The following FNBP4 variants were observed in gnomAD, a reference collection of about 807,000 sequenced individuals.
FNBP4 encodes the protein formin binding protein 4.
A neutral mutation model predicts 119.3 loss-of-function variants in FNBP4; 34 were observed. The ratio of observed to expected loss-of-function variants is 0.28; its 90% confidence interval spans 0.22 to 0.38. FNBP4 has a LOEUF of 0.38. Ranked by LOEUF, FNBP4 falls within the 10% of genes least tolerant of loss-of-function variation. The probability of loss-of-function intolerance (pLI) is 1.00; values close to 1 mark genes in which losing one functional copy is unlikely to be tolerated. For missense variants in FNBP4, 1,112 were observed against 1,228.9 expected (o/e 0.90, Z 1.42); for synonymous variants, 462 against 430.6 (o/e 1.07, Z -0.90).
chr11:47,734,982 C>A (rs370052407), intron 9 of FNBP4, among the ~76,000 whole-genome samples: 7 of 109,552 alleles, frequency 6.4e-5, no homozygotes, highest in South Asian at 5.9e-4. Context: ...CCCAACACCC[C>A]CCCCCCCAAA....
chr11:47,766,993 G>A, intron 1 of FNBP4, 76 bp downstream of exon 1: 1 of 1,442,188 alleles, frequency 6.9e-7, no homozygotes, highest in South Asian at 1.4e-5. Flanking sequence ...CTCCCTCGCC[G>A]GGTCTGGCCA....
chr11:47,743,272 C>A (rs2097584846), intron 8 of FNBP4, among the ~76,000 whole-genome samples: 1 of 152,134 alleles, frequency 6.6e-6, no homozygotes, highest in Non-Finnish European at 1.5e-5. Context: ...CAACTGAGAT[C>A]AGGAGTTCGA....
rs747557812 is a variant in FNBP4, at chr11:47,765,369, T to TAA, written c.221-9_221-8dup. On this transcript the variant is annotated splice_region_variant and splice_polypyrimidine_tract_variant and intron_variant, in intron 1 of 16. Transcript: ENST00000263773. ...TGCACCGCTTCCTGTTCATCTGGAT[T>TAA]AAAAAAAAAGAAAAGAAAAGAAAAG... 1 of 1,204,684 alleles carries TAA rather than the reference T, an allele frequency of 8.3e-7. No individual in the cohort carries two copies. 74.6% of individuals were successfully genotyped at this position (1,204,684 alleles called of 1,614,324 possible). A position where few individuals can be genotyped will look rare whatever the true frequency, so the allele number is the denominator to read the frequency against.
In FNBP4 at chr11:47,767,221, C is replaced by T. The variant is rs2097649644; in HGVS notation, c.68G>A (p.Arg23Gln). ...PILQLSPPGP[R>Q]GSTPGRDPEP... ...CGGGTCCCGGCCCGGCGTGCTGCCC[C>T]GAGGACCCGGCGGAGAGAGTTGCAG... Residue 23 changes from arginine (R) to glutamine (Q), a missense_variant, in exon 1 of 17, where the codon CGG becomes CAG. Physicochemically the swap from Arg to Gln is conservative, Grantham distance 43 (BLOSUM62 1). Coordinates refer to ENST00000263773, the MANE Select transcript of FNBP4 (RefSeq NM_015308.5). The T allele has an allele frequency of 1.3e-6, 2 of 1,569,604 alleles. No individual in the cohort carries two copies. The highest frequency in any genetic ancestry group is 1.4e-5 in the African/African-American group (1 of 72,940).
At chr11:47,764,768 T>C (rs2135296908) in intron 2 of FNBP4, among the ~76,000 whole-genome samples, 1 of 152,352 alleles carries the variant, frequency 6.6e-6, no homozygotes, top group South Asian at 2.1e-4. Context: ...TACAGATTAA[T>C]GAGGTTCAAC....
intron 16 of FNBP4, among the ~76,000 whole-genome samples, chr11:47,719,576 ATGTGTGTGTGTGTGTGTGTGTGTG>A (rs66711141): frequency 2.0e-5 from 3 of 147,692 alleles, no homozygotes; most frequent in African/African-American, 5.0e-5. Flanking sequence ...TTATGTGTGT[ATGTGTGTGTGTGTGTGTGTGTGTG>A]TGTGTGTGTG....
At chr11:47,734,664 C>T (rs1393223117) in intron 9 of FNBP4, among the ~76,000 whole-genome samples, 1 of 152,074 alleles carries the variant, frequency 6.6e-6, no homozygotes, top group Admixed American at 6.5e-5. Context: ...TCAAAGAATA[C>T]AAACTTTCAG....
intron 7 of FNBP4, among the ~76,000 whole-genome samples, chr11:47,744,560 C>T (rs115352245): frequency 0.033 from 5,066 of 152,166 alleles, 284 homozygotes; most frequent in African/African-American, 0.12. Flanking sequence ...CTGCACTCGG[C>T]CTACTCACTC....
At chr11:47,735,027 C>T (rs577093718) in intron 9 of FNBP4, among the ~76,000 whole-genome samples, 1 of 139,480 alleles carries the variant, frequency 7.2e-6, no homozygotes, top group South Asian at 2.3e-4. Context: ...ATGGTGACTA[C>T]AGTTAACAAT....
At chr11:47,744,525 G>C (rs960491106) in intron 7 of FNBP4, among the ~76,000 whole-genome samples, 2 of 152,002 alleles carry the variant, frequency 1.3e-5, no homozygotes, top group Non-Finnish European at 2.9e-5. Flanking sequence ...GCCTCCCAAA[G>C]TCCTGGGATT....
At chr11:47,762,232 A>T (rs2097636916) in intron 2 of FNBP4, among the ~76,000 whole-genome samples, 1 of 151,844 alleles carries the variant, frequency 6.6e-6, no homozygotes. Flanking sequence ...CCCGGGTTCA[A>T]GCGATTCTCC....
intron 6 of FNBP4, among the ~76,000 whole-genome samples, chr11:47,748,848 T>C (rs866048344): frequency 6.6e-6 from 1 of 152,028 alleles, no homozygotes; most frequent in Non-Finnish European, 1.5e-5. Context: ...GGTTTTACCA[T>C]GTTGGCCAGG....
chr11:47,728,963 G>A (rs1024448597), intron 12 of FNBP4, among the ~76,000 whole-genome samples: 1 of 147,550 alleles, frequency 6.8e-6, no homozygotes, highest in East Asian at 2.0e-4. Context: ...AGTGATTCTC[G>A]TGCCTCAGCC....
At position 47,767,206 on chromosome 11, in the gene FNBP4, C is replaced by T. The variant is rs766657161; in HGVS notation, c.83G>A (p.Gly28Asp). ...SPPGPRGSTP[G>D]RDPEPEPDTE... Reference sequence around the variant, plus strand: ...GTCGGGTTCCGGCTCCGGGTCCCGGCCCGGCGTGCTGCCCCGAGGACCCGG... The same window carrying T: ...GTCGGGTTCCGGCTCCGGGTCCCGGTCCGGCGTGCTGCCCCGAGGACCCGG... The change falls in exon 1 of 17, where the codon GGC becomes GAC. Residue 28 changes from glycine (G) to aspartate (D), a missense_variant. Coordinates refer to ENST00000263773, the MANE Select transcript of FNBP4 (RefSeq NM_015308.5). 8 of 1,564,772 alleles carry T rather than the reference C, an allele frequency of 5.1e-6. No homozygotes were observed. The highest frequency in any genetic ancestry group is 4.7e-5 in the South Asian group (4 of 85,372).
intron 8 of FNBP4, among the ~76,000 whole-genome samples, chr11:47,742,944 A>C (rs1216029130): frequency 3.9e-5 from 6 of 152,010 alleles, no homozygotes; most frequent in African/African-American, 7.3e-5. Context: ...GTCTTTCTTT[A>C]TTTAACACCT....
chr11:47,759,611 T>C (rs539138115), intron 2 of FNBP4, among the ~76,000 whole-genome samples: 2 of 152,294 alleles, frequency 1.3e-5, no homozygotes, highest in South Asian at 4.1e-4. Flanking sequence ...CACTTTTGTA[T>C]ACAGTACTGA....
At chr11:47,723,426 C>T (rs2097557916) in intron 14 of FNBP4, 110 bp from the exon 15 acceptor site, 1 of 1,473,440 alleles carries the variant, frequency 6.8e-7, no homozygotes, top group African/African-American at 1.4e-5. Flanking sequence ...TCCAATATAT[C>T]CTTTTCTAAA....
At chr11:47,719,044 C>T (rs1420126345) in intron 16 of FNBP4, among the ~76,000 whole-genome samples, 2 of 152,142 alleles carry the variant, frequency 1.3e-5, no homozygotes, top group South Asian at 2.1e-4. Flanking sequence ...GCATTCGCCA[C>T]CAGGCCCAGC....
intron 12 of FNBP4, chr11:47,729,840 T>G: frequency 1.0e-6 from 1 of 985,406 alleles, no homozygotes; most frequent in Non-Finnish European, 1.2e-6. Context: ...CAGAACTTAG[T>G]TTAAGATTTG....
Sources: allele counts gnomAD v4.1 joint callset (sites outside exome capture counted in the v4.1 genomes callset), GRCh38; gene constraint gnomAD v4.1.1; transcripts MANE v1.5; gene names NCBI Gene and HGNC (gene_info 2026-07-23, HGNC 2026-07-21).